LRRC4C: variants seen among roughly 807,000 people sequenced by gnomAD.
LRRC4C encodes leucine-rich repeat-containing protein 4C.
LRRC4C carries 5 observed loss-of-function variants against 33.6 expected under a neutral mutation model. The ratio of observed to expected loss-of-function variants is 0.15; its 90% CI spans 0.08 to 0.31. The LOEUF is 0.31. Among genes scored for constraint, LRRC4C ranks in the 10% least tolerant of loss-of-function variants. The probability of loss-of-function intolerance (pLI) is 1.00; values close to 1 mark genes in which losing one functional copy is unlikely to be tolerated. For synonymous variants in LRRC4C, 329 were observed against 302.0 expected (o/e 1.09, Z -0.93); for missense variants, 560 against 796.7 (o/e 0.70, Z 3.58).
At chr11:40,645,504 A>G (rs1228275524) in intron 3 of LRRC4C, among the ~76,000 whole-genome samples, 1 of 152,202 alleles carries the variant, frequency 6.6e-6, no homozygotes, top group Non-Finnish European at 1.5e-5. Context: ...AGGGAAGTAG[A>G]AAGTGCTTCC....
intron 5 of LRRC4C, among the ~76,000 whole-genome samples, chr11:40,171,366 A>G (rs1933711587): frequency 6.6e-6 from 1 of 152,166 alleles, no homozygotes; most frequent in African/African-American, 2.4e-5. Flanking sequence ...AATGTGGAAA[A>G]GGAGGCAAAA....
intron 2 of LRRC4C, among the ~76,000 whole-genome samples, chr11:40,932,956 T>C (rs1044402255): frequency 1.3e-5 from 2 of 152,130 alleles, no homozygotes; most frequent in Non-Finnish European, 2.9e-5. Context: ...GAAGGGTACA[T>C]CCAATAATCA....
intron 1 of LRRC4C, among the ~76,000 whole-genome samples, chr11:41,059,305 C>A (rs892372554): frequency 7.2e-6 from 1 of 138,184 alleles, no homozygotes; most frequent in Non-Finnish European, 1.5e-5. Flanking sequence ...AACTTAGATA[C>A]GTTCCTTATC....
intron 5 of LRRC4C, among the ~76,000 whole-genome samples, chr11:40,205,604 C>T (rs1339462614): frequency 6.6e-6 from 1 of 152,126 alleles, no homozygotes; most frequent in South Asian, 2.1e-4. Context: ...TATTCACCCT[C>T]CCTCCTTTCA....
At chr11:40,181,342 T>C (rs1860987263) in intron 5 of LRRC4C, among the ~76,000 whole-genome samples, 1 of 152,228 alleles carries the variant, frequency 6.6e-6, no homozygotes. Context: ...GAGGTTTTTT[T>C]CCTCCTTTGT....
intron 2 of LRRC4C, among the ~76,000 whole-genome samples, chr11:40,915,634 G>C (rs1476318993): frequency 6.6e-6 from 1 of 152,160 alleles, no homozygotes; most frequent in Admixed American, 6.5e-5. Flanking sequence ...ACATAGGCAT[G>C]GGCAAGGACT....
chr11:40,953,776 A>G (rs929423875), intron 1 of LRRC4C, among the ~76,000 whole-genome samples: 8 of 151,922 alleles, frequency 5.3e-5, no homozygotes, highest in African/African-American at 9.7e-5. Flanking sequence ...GGCACTTTCA[A>G]TGCCATTATT....
chr11:40,655,836 G>T lies in LRRC4C; in HGVS notation c.-406-7558C>A, dbSNP rs1495319. 3.6e-3 allele frequency among the ~76,000 whole-genome samples: 541 copies of T among 152,298 alleles called. 5 individuals are homozygous for T. The highest frequency in any genetic ancestry group is 0.013 in the African/African-American group (523 of 41,556). ...GGATGTTTAATTGACTCACAGTTCT[G>T]CATGGCTTGGGAGACCTCAGGAAAC... On this transcript the variant is annotated intron_variant, in intron 2 of 6. Transcript: ENST00000528697.
intron 3 of LRRC4C, chr11:40,446,210 A>AATATTGC (rs1951628792): frequency 1.3e-5 from 2 of 152,164 alleles, no homozygotes; most frequent in Admixed American, 1.3e-4. Context: ...CTGTATTCAA[A>AATATTGC]ATATTGCTGT....
chr11:40,164,439 C>T (rs1859415325), intron 5 of LRRC4C, among the ~76,000 whole-genome samples: 1 of 152,128 alleles, frequency 6.6e-6, no homozygotes, highest in Non-Finnish European at 1.5e-5. Flanking sequence ...GATGGGGCTT[C>T]ACTATGTTGG....
chr11:41,420,820 A>G (rs184151270), intron 1 of LRRC4C, among the ~76,000 whole-genome samples: 25 of 152,120 alleles, frequency 1.6e-4, no homozygotes, highest in Non-Finnish European at 2.8e-4. Flanking sequence ...ATTAACTAAA[A>G]CAGTAACATG....
intron 2 of LRRC4C, among the ~76,000 whole-genome samples, chr11:40,721,978 A>C (rs997688264): frequency 3.3e-5 from 5 of 152,148 alleles, no homozygotes; most frequent in African/African-American, 9.7e-5. Flanking sequence ...GATTGAAACC[A>C]TGATAACATC....
chr11:40,190,571 T>C (rs1861756575), intron 5 of LRRC4C, among the ~76,000 whole-genome samples: 1 of 152,234 alleles, frequency 6.6e-6, no homozygotes, highest in East Asian at 1.9e-4. Context: ...GTTTGTGTCA[T>C]CAATTAGAAC....
intron 2 of LRRC4C, among the ~76,000 whole-genome samples, chr11:40,698,692 G>T (rs1565648132): frequency 6.6e-6 from 1 of 152,076 alleles, no homozygotes; most frequent in Admixed American, 6.6e-5. Context: ...CCAAGACTGG[G>T]CAATGTATGA....
At chr11:41,445,498 G>A (rs985697462) in intron 1 of LRRC4C, among the ~76,000 whole-genome samples, 112 of 152,188 alleles carry the variant, frequency 7.4e-4, no homozygotes, top group African/African-American at 2.6e-3. Flanking sequence ...AAATGGAAGA[G>A]GGAAAGGAAA....
chr11:41,426,447 G>A (rs529212408), intron 1 of LRRC4C: 21 of 152,224 alleles, frequency 1.4e-4, no homozygotes, highest in Admixed American at 4.6e-4. Context: ...GGTCCCCAAA[G>A]TAGTCTTATA....
chr11:40,170,843 C>G (rs1859986627), intron 5 of LRRC4C, among the ~76,000 whole-genome samples: 1 of 152,188 alleles, frequency 6.6e-6, no homozygotes, highest in Non-Finnish European at 1.5e-5. Flanking sequence ...TGCATTAGAT[C>G]TAATCCAAAG....
chr11:40,732,059 CA>C (rs35385557), intron 2 of LRRC4C, among the ~76,000 whole-genome samples: 1,505 of 142,154 alleles, frequency 0.011, 30 homozygotes, highest in African/African-American at 0.035. Flanking sequence ...AAAAAAAAAC[CA>C]AAAAAAAAAC....
intron 1 of LRRC4C, among the ~76,000 whole-genome samples, chr11:41,100,026 T>C (rs914625167): frequency 4.0e-5 from 6 of 151,874 alleles, no homozygotes; most frequent in African/African-American, 4.8e-5. Context: ...AGTACAAAAA[T>C]CACTAGTATT....
Sources: gnomAD v4.1 joint callset for allele counts (sites outside exome capture counted in the v4.1 genomes callset) on GRCh38, gnomAD v4.1.1 for gene constraint, MANE v1.5 for transcripts, NCBI Gene and HGNC (gene_info 2026-07-23, HGNC 2026-07-21) for gene names.